Variants in TANGO6 observed in about 807,000 individuals in gnomAD.
TANGO6 encodes the protein transport and Golgi organization protein 6 homolog.
TANGO6 carries 90 observed loss-of-function variants against 114.2 expected under a neutral mutation model. That is an observed-to-expected ratio of 0.79 (90% confidence interval 0.66 to 0.94). TANGO6 has a LOEUF of 0.94. Ranked by LOEUF, TANGO6 falls within the 40% of genes least tolerant of loss-of-function variation. The pLI is 0.00. For synonymous variants in TANGO6, 477 were observed against 509.8 expected (o/e 0.94, Z 0.87); for missense variants, 1,274 against 1,315.3 (o/e 0.97, Z 0.49).
intron 3 of TANGO6, among the ~76,000 whole-genome samples, chr16:68,865,275 CAAAA>C (rs60365346): frequency 5.7e-5 from 4 of 70,234 alleles, no homozygotes; most frequent in African/African-American, 4.9e-5. Flanking sequence ...GACTCCGTCT[CAAAA>C]AAAAAAAAAA....
chr16:69,040,222 G>A, intron 16 of TANGO6, 86 bp from the exon 17 acceptor site: 2 of 1,141,326 alleles, frequency 1.8e-6, no homozygotes, highest in East Asian at 2.6e-5. Context: ...CTTGATGAAT[G>A]TGTAGTAAGT....
intron 15 of TANGO6, 98 bp downstream of exon 15, chr16:68,974,266 G>A (rs941193975): frequency 2.1e-6 from 3 of 1,435,752 alleles, no homozygotes; most frequent in African/African-American, 1.4e-5. Flanking sequence ...CACTAGTGTG[G>A]TGAGGGTAGT....
chr16:69,062,616 G>A (rs1397797016), intron 17 of TANGO6, among the ~76,000 whole-genome samples: 3 of 151,064 alleles, frequency 2.0e-5, no homozygotes, highest in Admixed American at 2.0e-4. Flanking sequence ...GGGATTACAG[G>A]TACCTGCCAC....
chr16:68,916,861 C>T (rs903103340), intron 11 of TANGO6, among the ~76,000 whole-genome samples: 3 of 152,186 alleles, frequency 2.0e-5, no homozygotes, highest in African/African-American at 4.8e-5. Flanking sequence ...TTGTCACCAT[C>T]TCCCACCAGA....
At chr16:68,894,451 T>C (rs1962676124) in intron 7 of TANGO6, among the ~76,000 whole-genome samples, 1 of 152,058 alleles carries the variant, frequency 6.6e-6, no homozygotes, top group Admixed American at 6.6e-5. Context: ...TTGGTATTAA[T>C]AGAAGGGAGC....
chr16:68,988,432 G>T (rs1008515441), intron 15 of TANGO6, among the ~76,000 whole-genome samples: 6 of 152,146 alleles, frequency 3.9e-5, no homozygotes, highest in African/African-American at 1.2e-4. Context: ...CAAGTTTGGA[G>T]TCCCCCAGGG....
At chr16:68,972,862 C>G (rs1963721168) in intron 14 of TANGO6, among the ~76,000 whole-genome samples, 1 of 152,040 alleles carries the variant, frequency 6.6e-6, no homozygotes, top group Non-Finnish European at 1.5e-5. Context: ...GGTTTGGGAG[C>G]AAGCTGTGAG....
chr16:68,847,422 A>G (rs529611366), intron 1 of TANGO6, among the ~76,000 whole-genome samples: 30 of 152,276 alleles, frequency 2.0e-4, no homozygotes, highest in African/African-American at 5.5e-4. Context: ...ATTTCCAAGT[A>G]GATGTTATTT....
At chr16:69,059,729 C>A (rs553435106) in intron 17 of TANGO6, among the ~76,000 whole-genome samples, 1 of 152,268 alleles carries the variant, frequency 6.6e-6, no homozygotes, top group African/African-American at 2.4e-5. Flanking sequence ...CCATGTTGGC[C>A]TGGCCACTTT....
chr16:68,930,302 C>A lies in TANGO6; in HGVS notation c.2701+7C>A. ...TATCTATCTGCAATTCAGGGTAAGTCAGTCCTGGTTAAAGGACTTTAAGTA... is the reference window on the plus strand; with the variant it reads ...TATCTATCTGCAATTCAGGGTAAGTAAGTCCTGGTTAAAGGACTTTAAGTA... On this transcript the variant is annotated splice_region_variant and intron_variant, in intron 14 of 17. Coordinates refer to ENST00000261778, the MANE Select transcript of TANGO6 (RefSeq NM_024562.2). 1 of 1,552,528 alleles carries A rather than the reference C, an allele frequency of 6.4e-7. No individual in the cohort carries two copies. Among genetic ancestry groups the A allele is most frequent in the South Asian group, 1.2e-5 (1 of 84,126 alleles).
chr16:69,065,433 T>C (rs1398305401), intron 17 of TANGO6, among the ~76,000 whole-genome samples: 2 of 152,208 alleles, frequency 1.3e-5, no homozygotes, highest in Non-Finnish European at 2.9e-5. Flanking sequence ...CATGTCCCTG[T>C]AGCATTTTTG....
intron 4 of TANGO6, among the ~76,000 whole-genome samples, chr16:68,872,821 C>T (rs755742312): frequency 1.3e-5 from 2 of 151,744 alleles, no homozygotes; most frequent in Non-Finnish European, 2.9e-5. Context: ...CTCAGCTTCC[C>T]GAGTAGCTGG....
rs1179825619 is a variant in TANGO6, at chr16:68,872,321, AG to A, written c.995-2831del. ...CTGATTTTTTTTTCTTTTTTTTTTG[AG>A]GCAGAGTCTTGCTCTGTCACCCAGG... On this transcript the variant is annotated intron_variant, in intron 4 of 17. Transcript: ENST00000261778. Among the ~76,000 whole-genome samples, 7 of 142,604 alleles carry A rather than the reference AG, an allele frequency of 4.9e-5. 1 individual carries two copies. The highest frequency in any genetic ancestry group is 4.9e-4 in the Admixed American group (7 of 14,286). The allele number at this position is 142,604 out of a possible 152,430, so 93.6% of individuals were successfully genotyped here.
At chr16:68,970,948 T>C (rs1242092209) in intron 14 of TANGO6, among the ~76,000 whole-genome samples, 3 of 151,384 alleles carry the variant, frequency 2.0e-5, no homozygotes, top group African/African-American at 7.3e-5. Context: ...ACCTCAGGAG[T>C]TCGAGATCAG....
At chr16:69,001,823 C>T (rs1223811159) in intron 15 of TANGO6, among the ~76,000 whole-genome samples, 1 of 152,146 alleles carries the variant, frequency 6.6e-6, no homozygotes, top group Admixed American at 6.6e-5. Context: ...CTTTTAGGTA[C>T]CCAAGAGCAC....
At chr16:68,956,042 T>G (rs1325153561) in intron 14 of TANGO6, among the ~76,000 whole-genome samples, 17 of 151,994 alleles carry the variant, frequency 1.1e-4, no homozygotes, top group Admixed American at 1.0e-3. Flanking sequence ...TCCCAGCTAC[T>G]CGGGAGGGTG....
chr16:68,966,178 A>T (rs1404957416), intron 14 of TANGO6, among the ~76,000 whole-genome samples: 1 of 152,198 alleles, frequency 6.6e-6, no homozygotes, highest in Non-Finnish European at 1.5e-5. Context: ...GTGAGCTGTG[A>T]TTATACCAAA....
chr16:68,932,002 G>A (rs934540908), intron 14 of TANGO6, among the ~76,000 whole-genome samples: 15 of 151,938 alleles, frequency 9.9e-5, no homozygotes, highest in Admixed American at 6.6e-5. Context: ...CAGCCACCAC[G>A]CCCAGCCGAG....
chr16:68,923,945 T>C (rs1055439176), intron 12 of TANGO6, among the ~76,000 whole-genome samples: 1 of 152,148 alleles, frequency 6.6e-6, no homozygotes, highest in African/African-American at 2.4e-5. Context: ...TGAATGTTAG[T>C]CATGTGTTAT....
Sources: gnomAD v4.1 joint callset for allele counts (sites outside exome capture counted in the v4.1 genomes callset) on GRCh38, gnomAD v4.1.1 for gene constraint, MANE v1.5 for transcripts, NCBI Gene and HGNC (gene_info 2026-07-23, HGNC 2026-07-21) for gene names.